The following WDFY2 variants were observed in gnomAD, a reference collection of about 807,000 sequenced individuals.
The protein encoded by WDFY2 is WD repeat and FYVE domain-containing protein 2.
Under a neutral mutation model 56.4 loss-of-function variants are expected in WDFY2, and 36 were observed. That is an observed-to-expected ratio of 0.64 (90% CI 0.49 to 0.84). The LOEUF (loss-of-function observed/expected upper bound fraction) is 0.84, where lower values mean the gene tolerates loss of function less well. WDFY2 is among the 40% of genes least tolerant of loss of function. The pLI, the probability that WDFY2 is intolerant of heterozygous loss-of-function variation, is 0.00. For missense variants in WDFY2, 444 were observed against 512.2 expected, an observed-to-expected ratio of 0.87 and a Z score of 1.29; for synonymous variants, 176 against 183.7, an observed-to-expected ratio of 0.96 and a Z score of 0.34.
At chr13:51,735,610 A>G (rs1437873499) in intron 6 of WDFY2, among the ~76,000 whole-genome samples, 1 of 152,184 alleles carries the variant, frequency 6.6e-6, no homozygotes, top group Non-Finnish European at 1.5e-5. Flanking sequence ...TTATCATTGT[A>G]CATTTTTGGT....
intron 6 of WDFY2, among the ~76,000 whole-genome samples, 189 bp downstream of exon 6, chr13:51,727,979 A>G (rs1388554527): frequency 6.6e-6 from 1 of 152,252 alleles, no homozygotes; most frequent in Non-Finnish European, 1.5e-5. Flanking sequence ...TTTCTGTATA[A>G]TCCAAACAAA....
chr13:51,654,492 G>A (rs963314884), intron 1 of WDFY2, among the ~76,000 whole-genome samples: 5 of 152,108 alleles, frequency 3.3e-5, no homozygotes, highest in Non-Finnish European at 7.4e-5. Flanking sequence ...CTTCTGCGTC[G>A]CTCACGGTAG....
intron 1 of WDFY2, among the ~76,000 whole-genome samples, chr13:51,603,028 GGGACTTGT>G (rs1414646015): frequency 6.6e-6 from 1 of 152,038 alleles, no homozygotes; most frequent in Non-Finnish European, 1.5e-5. Context: ...CTTATACCTG[GGGACTTGT>G]GGTTTCTTGA....
At chr13:51,623,252 A>T in intron 1 of WDFY2, among the ~76,000 whole-genome samples, 1 of 152,188 alleles carries the variant, frequency 6.6e-6, no homozygotes, top group East Asian at 1.9e-4. Flanking sequence ...GGTGCTATTA[A>T]TATTCAGGCC....
At chr13:51,597,114 A>G (rs536741267) in intron 1 of WDFY2, among the ~76,000 whole-genome samples, 4 of 152,084 alleles carry the variant, frequency 2.6e-5, no homozygotes, top group Admixed American at 1.3e-4. Flanking sequence ...AAAATGTTCT[A>G]CTTTACTCTT....
At chr13:51,613,090 C>T (rs911288660) in intron 1 of WDFY2, among the ~76,000 whole-genome samples, 2 of 151,324 alleles carry the variant, frequency 1.3e-5, no homozygotes, top group Admixed American at 6.6e-5. Context: ...CCCAGCTACC[C>T]GGAAGGCTGA....
intron 6 of WDFY2, among the ~76,000 whole-genome samples, chr13:51,733,465 A>C (rs1952767842): frequency 1.3e-5 from 2 of 152,254 alleles, no homozygotes. Flanking sequence ...AAGTGACCTT[A>C]CAAGTAGTGG....
chr13:51,651,754 A>G (rs888238352), intron 1 of WDFY2, among the ~76,000 whole-genome samples: 2 of 152,146 alleles, frequency 1.3e-5, no homozygotes, highest in African/African-American at 4.8e-5. Context: ...GCTGAGTTCT[A>G]GTTTGATTGC....
chr13:51,739,979 G>C (rs1316455173), intron 7 of WDFY2, among the ~76,000 whole-genome samples: 2 of 152,134 alleles, frequency 1.3e-5, no homozygotes, highest in Non-Finnish European at 2.9e-5. Context: ...TTTTTTAGTT[G>C]TAAAGTTTTC....
intron 11 of WDFY2, 101 bp from the exon 12 acceptor site, chr13:51,759,639 G>T (rs898043599): frequency 9.2e-6 from 10 of 1,085,608 alleles, no homozygotes; most frequent in Non-Finnish European, 1.3e-5. Flanking sequence ...GTATGTGGTG[G>T]TTTGTTAAAT....
intron 3 of WDFY2, among the ~76,000 whole-genome samples, chr13:51,698,949 G>A (rs1392285826): frequency 6.6e-6 from 1 of 152,184 alleles, no homozygotes; most frequent in Admixed American, 6.5e-5. Context: ...CTACAATTTA[G>A]TAAGACAGTT....
intron 1 of WDFY2, among the ~76,000 whole-genome samples, chr13:51,643,504 A>G (rs1470616263): frequency 1.3e-5 from 2 of 152,170 alleles, no homozygotes; most frequent in Non-Finnish European, 2.9e-5. Context: ...TTAAATCTAT[A>G]TTATTCCTCT....
At chr13:51,730,918 CT>C (rs1203600722) in intron 6 of WDFY2, among the ~76,000 whole-genome samples, 2 of 152,302 alleles carry the variant, frequency 1.3e-5, no homozygotes, top group East Asian at 3.9e-4. Context: ...GCAAGAGTCA[CT>C]TCCCATCACT....
chr13:51,622,283 C>A (rs189856602), intron 1 of WDFY2, among the ~76,000 whole-genome samples: 9 of 152,306 alleles, frequency 5.9e-5, no homozygotes, highest in Middle Eastern at 6.8e-3. Flanking sequence ...CTCTCCCCCC[C>A]TCCTTTTTTT....
At chr13:51,719,618 G>T (rs1426213812) in intron 5 of WDFY2, among the ~76,000 whole-genome samples, 1 of 152,196 alleles carries the variant, frequency 6.6e-6, no homozygotes, top group African/African-American at 2.4e-5. Flanking sequence ...AGAACACAGT[G>T]CAGATTCATG....
At chr13:51,708,675 A>G (rs1952143035) in intron 4 of WDFY2, among the ~76,000 whole-genome samples, 1 of 152,214 alleles carries the variant, frequency 6.6e-6, no homozygotes, top group Non-Finnish European at 1.5e-5. Context: ...TCACAATGTC[A>G]GTAATCACAT....
At chr13:51,757,699 A>T (rs770667311) in intron 10 of WDFY2, among the ~76,000 whole-genome samples, 10 of 152,086 alleles carry the variant, frequency 6.6e-5, no homozygotes, top group African/African-American at 1.2e-4. Flanking sequence ...TTTGCTTGTT[A>T]CAGCTTTAGA....
At chr13:51,699,937 C>G (rs958051045) in intron 3 of WDFY2, among the ~76,000 whole-genome samples, 1 of 152,180 alleles carries the variant, frequency 6.6e-6, no homozygotes, top group Non-Finnish European at 1.5e-5. Flanking sequence ...ATGTGAAGTA[C>G]TTGAATAAAG....
intron 8 of WDFY2, among the ~76,000 whole-genome samples, chr13:51,755,069 A>C (rs944555545): frequency 6.6e-6 from 1 of 152,156 alleles, no homozygotes. Flanking sequence ...CTCTCTGCCA[A>C]AGCACTCTGT....
Sources: gnomAD v4.1 joint callset for allele counts (sites outside exome capture counted in the v4.1 genomes callset) on GRCh38, gnomAD v4.1.1 for gene constraint, MANE v1.5 for transcripts, NCBI Gene and HGNC (gene_info 2026-07-23, HGNC 2026-07-21) for gene names.